Variants in SLCO1C1 observed in about 807,000 individuals in gnomAD.
The protein encoded by SLCO1C1 is solute carrier organic anion transporter family member 1C1, also known as OAT-RP-5.
Under a neutral mutation model 76.4 loss-of-function variants are expected in SLCO1C1, and 70 were observed. That is an observed-to-expected ratio of 0.92 (90% CI 0.76 to 1.12). SLCO1C1 has a LOEUF of 1.12. SLCO1C1 is among the 50% of genes most tolerant of loss of function. The pLI is 0.00. For synonymous variants in SLCO1C1, 306 were observed against 286.1 expected, an observed-to-expected ratio of 1.07 and a Z score of -0.70; for missense variants, 912 against 823.8, an observed-to-expected ratio of 1.11 and a Z score of -1.31.
intron 4 of SLCO1C1, 149 bp downstream of exon 4, chr12:20,706,230 C>A: frequency 4.8e-6 from 5 of 1,037,804 alleles, no homozygotes; most frequent in Non-Finnish European, 3.9e-6. Flanking sequence ...AATTTCACAA[C>A]AATTTTATAA....
chr12:20,727,026 C>CA (rs1194117543), intron 9 of SLCO1C1, among the ~76,000 whole-genome samples: 5 of 152,178 alleles, frequency 3.3e-5, no homozygotes, highest in African/African-American at 1.2e-4. Context: ...TGTGTTGCTG[C>CA]AAAGGGCATG....
intron 10 of SLCO1C1, among the ~76,000 whole-genome samples, chr12:20,736,573 A>C (rs1051295926): frequency 6.6e-6 from 1 of 152,168 alleles, no homozygotes; most frequent in Non-Finnish European, 1.5e-5. Flanking sequence ...GGTTACACAC[A>C]TGCAAGAGGA....
intron 4 of SLCO1C1, among the ~76,000 whole-genome samples, 169 bp from the exon 5 acceptor site, chr12:20,711,217 C>T (rs1947081186): frequency 6.6e-6 from 1 of 152,154 alleles, no homozygotes; most frequent in South Asian, 2.1e-4. Flanking sequence ...GATCTTCTGG[C>T]TACCTCTTCA....
intron 14 of SLCO1C1, 23 bp downstream of exon 14, chr12:20,750,815 G>C: frequency 6.2e-7 from 1 of 1,613,762 alleles, no homozygotes; most frequent in Non-Finnish European, 8.5e-7. Context: ...AAGCATTCCC[G>C]CATCTCATTG....
At chr12:20,732,094 T>C (rs1177025211) in intron 9 of SLCO1C1, among the ~76,000 whole-genome samples, 1 of 152,196 alleles carries the variant, frequency 6.6e-6, no homozygotes, top group African/African-American at 2.4e-5. Context: ...AACCTCTTCC[T>C]AGTGTTGTTT....
rs1947763011 is a variant in SLCO1C1 at position 20,723,132 on chromosome 12, A to G, written c.1064A>G (p.Tyr355Cys). ...SLKNLFGNPV[Y>C]FLYLCTSTVQ... The stretch of plus-strand genomic sequence containing the variant: ...AAGAATCTTTTTGGAAACCCAGTAT[A>G]CTTCCTATATTTATGTACAAGCACT... Residue 355 changes from tyrosine (Y) to cysteine (C), a missense_variant, in exon 9 of 15, where the codon TAC becomes TGC. Physicochemically the swap from Tyr to Cys is radical, Grantham distance 194. Coordinates refer to ENST00000266509, the MANE Select transcript of SLCO1C1 (RefSeq NM_017435.5). The G allele has an allele frequency of 6.2e-7, 1 of 1,611,618 alleles. No homozygotes were observed. Among genetic ancestry groups the G allele is most frequent in the African/African-American group, 1.3e-5 (1 of 74,852 alleles).
chr12:20,747,982 C>T (rs111553477), intron 13 of SLCO1C1, among the ~76,000 whole-genome samples: 4 of 152,244 alleles, frequency 2.6e-5, no homozygotes, highest in African/African-American at 9.6e-5. Context: ...TACTGTATTT[C>T]TTCTATAACA....
intron 9 of SLCO1C1, among the ~76,000 whole-genome samples, chr12:20,731,386 A>T (rs536724645): frequency 1.5e-5 from 2 of 133,030 alleles, no homozygotes; most frequent in Non-Finnish European, 3.3e-5. Context: ...ATATAAACTT[A>T]AAAAGAACAA....
At position 20,740,310 on chromosome 12, in the gene SLCO1C1, G is replaced by A; in HGVS notation, c.1675G>A (p.Val559Ile). The change falls in exon 12 of 15, where the codon GTC (valine) becomes ATC (isoleucine). Residue 559 changes from valine to isoleucine, a missense_variant. Coordinates refer to ENST00000266509, the MANE Select transcript of SLCO1C1 (RefSeq NM_017435.5). ...GTTTCTGTATTTCCTTGTAATTTCA[G>A]TCATCACATCCTATACTTTATCCCT... ...QMFLYFLVIS[V>I]ITSYTLSLGG... 1.2e-6 allele frequency: 2 copies of A among 1,613,864 alleles called. No individual in the cohort carries two copies. The highest frequency in any genetic ancestry group is 8.5e-7 in the Non-Finnish European group (1 of 1,179,924).
chr12:20,707,921 T>C (rs1303384406), intron 4 of SLCO1C1, among the ~76,000 whole-genome samples: 4 of 152,208 alleles, frequency 2.6e-5, no homozygotes, highest in Non-Finnish European at 5.9e-5. Context: ...CCAACACTTT[T>C]GACATGGTAG....
chr12:20,710,044 T>C (rs1208384529), intron 4 of SLCO1C1, among the ~76,000 whole-genome samples: 3 of 151,618 alleles, frequency 2.0e-5, no homozygotes, highest in African/African-American at 4.9e-5. Flanking sequence ...AAAACATACA[T>C]ACAAAAATGT....
chr12:20,698,859 G>A (rs984842251), intron 1 of SLCO1C1, among the ~76,000 whole-genome samples: 4 of 152,034 alleles, frequency 2.6e-5, no homozygotes, highest in African/African-American at 4.8e-5. Flanking sequence ...GGAGAAAATA[G>A]GTTCAGTGTG....
intron 4 of SLCO1C1, among the ~76,000 whole-genome samples, chr12:20,706,725 T>C (rs1946797216): frequency 6.6e-6 from 1 of 152,134 alleles, no homozygotes; most frequent in African/African-American, 2.4e-5. Context: ...ACCCCATGAC[T>C]TGAAAAGTTT....
At chr12:20,745,687 T>C (rs1271693135) in intron 13 of SLCO1C1, among the ~76,000 whole-genome samples, 1 of 151,956 alleles carries the variant, frequency 6.6e-6, no homozygotes, top group African/African-American at 2.4e-5. Flanking sequence ...TAGCCGGGTG[T>C]GCTGGTGTGT....
At chr12:20,716,827 A>G (rs935773075) in intron 6 of SLCO1C1, among the ~76,000 whole-genome samples, 2 of 152,210 alleles carry the variant, frequency 1.3e-5, no homozygotes, top group Admixed American at 6.5e-5. Flanking sequence ...ATTTTTATCA[A>G]TGAGGAATCT....
chr12:20,722,163 C>A (rs1947708848), intron 8 of SLCO1C1, 114 bp downstream of exon 8: 11 of 1,360,228 alleles, frequency 8.1e-6, no homozygotes, highest in Non-Finnish European at 1.1e-5. Flanking sequence ...GAAACCATAT[C>A]AGAAGCAAAA....
intron 9 of SLCO1C1, among the ~76,000 whole-genome samples, chr12:20,732,079 A>C (rs1948301112): frequency 6.6e-6 from 1 of 152,158 alleles, no homozygotes; most frequent in Non-Finnish European, 1.5e-5. Flanking sequence ...TTAACTACTA[A>C]ATTGAACCTC....
In SLCO1C1 at chr12:20,736,044, G is replaced by C. The variant is rs117330578; in HGVS notation, c.1383-1063G>C. ...AAATAAATAAATTTGAAAATAAGGA[G>C]CAGAAAAAATGAAGTATGGAGGGCC... On this transcript the variant is annotated intron_variant, in intron 10 of 14. Coordinates refer to ENST00000266509, the MANE Select transcript of SLCO1C1 (RefSeq NM_017435.5). Among the ~76,000 whole-genome samples the C allele has an allele frequency of 7.4e-3, 1,130 of 152,152 alleles. 32 individuals carry two copies. Among genetic ancestry groups the C allele is most frequent in the East Asian group, 0.066 (343 of 5,170 alleles).
At position 20,701,426 on chromosome 12, in the gene SLCO1C1, C is replaced by A; in HGVS notation, c.238C>A (p.Leu80Met). ...GAGAAGGTTTGATATCCCTTCTTCA[C>A]TGGTGGGAGTTATTGATGGTAGTTT... Reference protein sequence around the residue: ...IERRFDIPSSLVGVIDGSFEI... With the variant: ...IERRFDIPSSMVGVIDGSFEI... Residue 80 changes from leucine (L) to methionine (M), a missense_variant, in exon 3 of 15, where the codon CTG becomes ATG. Coordinates refer to ENST00000266509, the MANE Select transcript of SLCO1C1 (RefSeq NM_017435.5). 1 of 1,541,624 alleles carries A rather than the reference C, an allele frequency of 6.5e-7. No individual in the cohort carries two copies. The highest frequency in any genetic ancestry group is 8.9e-7 in the Non-Finnish European group (1 of 1,128,852).
Sources: allele counts gnomAD v4.1 joint callset (sites outside exome capture counted in the v4.1 genomes callset), GRCh38; gene constraint gnomAD v4.1.1; transcripts MANE v1.5; gene names NCBI Gene and HGNC (gene_info 2026-07-23, HGNC 2026-07-21).